The following KDSR variants were observed in gnomAD, a reference collection of about 807,000 sequenced individuals.
KDSR encodes the protein 3-dehydrosphinganine reductase.
KDSR carries 23 observed loss-of-function variants against 41.3 expected under a neutral mutation model. The ratio of observed to expected loss-of-function variants is 0.56; its 90% CI spans 0.40 to 0.79. KDSR has a LOEUF of 0.79. Ranked by LOEUF, KDSR falls within the 30% of genes least tolerant of loss-of-function variation. The pLI is 0.00. For missense variants in KDSR, 351 were observed against 416.8 expected, an observed-to-expected ratio of 0.84 and a Z score of 1.37; for synonymous variants, 138 against 151.7, an observed-to-expected ratio of 0.91 and a Z score of 0.66.
intron 5 of KDSR, among the ~76,000 whole-genome samples, chr18:63,353,549 G>A (rs1914716698): frequency 6.6e-6 from 1 of 152,120 alleles, no homozygotes; most frequent in Non-Finnish European, 1.5e-5. Flanking sequence ...GGGACTAAGA[G>A]TCTATTTAAT....
chr18:63,355,284 C>T lies in KDSR; in HGVS notation c.337G>A (p.Gly113Ser). 6.2e-7 allele frequency: 1 copy of T among 1,614,054 alleles called. No homozygotes were observed. Among genetic ancestry groups the T allele is most frequent in the Non-Finnish European group, 8.5e-7 (1 of 1,179,952 alleles). ...NVIKQAQEKLGPVDMLVNCAG... is the reference protein window; with the variant it reads ...NVIKQAQEKLSPVDMLVNCAG... ...CAATTTACCAGCATGTCCACTGGACCCAGTTTCTCCTGTGCCTAGAAAAAT... is the reference window on the plus strand; with the variant it reads ...CAATTTACCAGCATGTCCACTGGACTCAGTTTCTCCTGTGCCTAGAAAAAT... Residue 113 changes from glycine (G) to serine (S), a missense_variant, in exon 5 of 10, where the codon GGT (glycine) becomes AGT (serine). Coordinates refer to ENST00000645214, the MANE Select transcript of KDSR (RefSeq NM_002035.4).
chr18:63,363,219 C>CTTT (rs1185123481), intron 1 of KDSR, among the ~76,000 whole-genome samples: 1 of 111,456 alleles, frequency 9.0e-6, no homozygotes, highest in Non-Finnish European at 1.9e-5. Context: ...TTTTTTTTTT[C>CTTT]TTTTTTTTTT....
At chr18:63,343,533 C>A (rs1914408110) in intron 7 of KDSR, among the ~76,000 whole-genome samples, 1 of 150,998 alleles carries the variant, frequency 6.6e-6, no homozygotes, top group Non-Finnish European at 1.5e-5. Flanking sequence ...GAACTACAAG[C>A]ATGTGCCACC....
chr18:63,365,049 T>C (rs2144385769), intron 1 of KDSR, among the ~76,000 whole-genome samples: 1 of 152,356 alleles, frequency 6.6e-6, no homozygotes, highest in South Asian at 2.1e-4. Context: ...CTCATAGGCA[T>C]CCCTTACTTC....
chr18:63,336,188 C>T (rs938344158), intron 8 of KDSR, among the ~76,000 whole-genome samples: 10 of 152,184 alleles, frequency 6.6e-5, no homozygotes, highest in African/African-American at 2.4e-4. Flanking sequence ...CACCACCACA[C>T]CCGGGTAATT....
At position 63,331,777 on chromosome 18, in the gene KDSR, G is replaced by A; in HGVS notation, c.*5C>T. 6.2e-7 allele frequency: 1 copy of A among 1,612,842 alleles called. No individual in the cohort carries two copies. The highest frequency in any genetic ancestry group is 8.5e-7 in the Non-Finnish European group (1 of 1,179,554). The stretch of plus-strand genomic sequence containing the variant: ...GAAACAGTCTTCTTCCAAGGGGTAA[G>A]AAGATTAGGCAGTTTTGTCTGCATT... On this transcript the variant is annotated 3_prime_UTR_variant, in exon 10 of 10. Transcript: ENST00000645214.
intron 3 of KDSR, among the ~76,000 whole-genome samples, chr18:63,358,151 C>G (rs1046840471): frequency 6.6e-6 from 1 of 151,652 alleles, no homozygotes; most frequent in East Asian, 1.9e-4. Flanking sequence ...GGCAACAGAG[C>G]GAGACTCCAT....
intron 7 of KDSR, among the ~76,000 whole-genome samples, chr18:63,341,175 A>G (rs1914330623): frequency 6.6e-6 from 1 of 151,636 alleles, no homozygotes; most frequent in South Asian, 2.1e-4. Flanking sequence ...AAACAACAAC[A>G]GAGAAAAAGA....
At chr18:63,364,905 A>G (rs925027289) in intron 1 of KDSR, among the ~76,000 whole-genome samples, 1 of 152,222 alleles carries the variant, frequency 6.6e-6, no homozygotes, top group Admixed American at 6.5e-5. Context: ...TTTCCCTATA[A>G]CCAGACATTT....
intron 9 of KDSR, among the ~76,000 whole-genome samples, chr18:63,332,338 T>C (rs1438550765): frequency 6.6e-6 from 1 of 152,146 alleles, no homozygotes; most frequent in Non-Finnish European, 1.5e-5. Context: ...GAGCTTATTC[T>C]CAGGCTGGAA....
chr18:63,346,408 GTC>G (rs1914503195), intron 6 of KDSR: 2 of 152,314 alleles, frequency 1.3e-5, no homozygotes, highest in Non-Finnish European at 2.9e-5. Context: ...CCAACGAGTG[GTC>G]ATTAGGCAGC....
intron 7 of KDSR, among the ~76,000 whole-genome samples, chr18:63,343,715 G>A (rs1366572294): frequency 6.7e-6 from 1 of 150,222 alleles, no homozygotes; most frequent in Non-Finnish European, 1.5e-5. Flanking sequence ...ATCTTCCACG[G>A]TAGAAAGTCA....
At chr18:63,363,221 T>C (rs1378909382) in intron 1 of KDSR, among the ~76,000 whole-genome samples, 4 of 129,946 alleles carry the variant, frequency 3.1e-5, no homozygotes, top group African/African-American at 9.1e-5. Context: ...TTTTTTTTCT[T>C]TTTTTTTTTT....
At position 63,330,490 on chromosome 18, in the gene KDSR, AG is replaced by A. The variant is rs1568273196; in HGVS notation, c.*1291del. 1 of 231,090 alleles carries A rather than the reference AG, an allele frequency of 4.3e-6. No individual in the cohort carries two copies. The highest frequency in any genetic ancestry group is 8.6e-6 in the Non-Finnish European group (1 of 116,712). The allele number at this position is 231,090 out of a possible 1,614,324, so 14.3% of individuals were successfully genotyped here. A position where few individuals can be genotyped will look rare whatever the true frequency, so the allele number is the denominator to read the frequency against. On this transcript the variant is annotated 3_prime_UTR_variant, in exon 10 of 10. Transcript: ENST00000645214. ...ATCCTATAACCTGGAAACAACATTC[AG>A]GGGCCAAGAGGGTTTCCAGGGCTAC...
Position 63,361,071 on chromosome 18 carries a change from TACAC to T in KDSR, c.199-1283_199-1280del, listed in dbSNP as rs552737796. Among the ~76,000 whole-genome samples the T allele has an allele frequency of 3.7e-4, 39 of 105,036 alleles. 1 individual carries two copies. Among genetic ancestry groups the T allele is most frequent in the African/African-American group, 1.3e-3 (37 of 28,344 alleles). 68.9% of individuals were successfully genotyped at this position (105,036 alleles called of 152,430 possible). Reference sequence around the variant, plus strand: ...TATTTTATATATATGTAAATATATATACACACACACACACACACAAATCAGCCAG... The same window carrying T: ...TATTTTATATATATGTAAATATATATACACACACACACACAAATCAGCCAG... On this transcript the variant is annotated intron_variant, in intron 2 of 9. Coordinates refer to ENST00000645214, the MANE Select transcript of KDSR (RefSeq NM_002035.4).
chr18:63,366,911 G>A, intron 1 of KDSR, 100 bp downstream of exon 1: 1 of 560,672 alleles, frequency 1.8e-6, no homozygotes, highest in Non-Finnish European at 2.8e-6. Flanking sequence ...GCCTTCCTGG[G>A]GACCGCGGCC....
chr18:63,329,476 A>T lies in KDSR; in HGVS notation c.*2306T>A, dbSNP rs575092075. 2.9e-5 allele frequency: 6 copies of T among 205,472 alleles called. No homozygotes were observed. Among genetic ancestry groups the T allele is most frequent in the African/African-American group, 1.4e-4 (6 of 43,984 alleles). The allele number at this position is 205,472 out of a possible 1,614,324, so 12.7% of individuals were successfully genotyped here. A position where few individuals can be genotyped will look rare whatever the true frequency, so the allele number is the denominator to read the frequency against. On this transcript the variant is annotated 3_prime_UTR_variant, in exon 10 of 10. Transcript: ENST00000645214. ...AATTTAGAAAAACACAAACCAACTTAGATTTCGAAGTTTCTTTGCTAAGGG... is the reference window on the plus strand; with the variant it reads ...AATTTAGAAAAACACAAACCAACTTTGATTTCGAAGTTTCTTTGCTAAGGG...
chr18:63,344,113 G>A (rs1914428355), intron 7 of KDSR, among the ~76,000 whole-genome samples: 1 of 152,172 alleles, frequency 6.6e-6, no homozygotes, highest in Admixed American at 6.5e-5. Flanking sequence ...AGAGTTTGAG[G>A]ATGCAGTTAG....
chr18:63,354,400 GCT>G (rs978326460), intron 5 of KDSR, among the ~76,000 whole-genome samples: 6 of 152,350 alleles, frequency 3.9e-5, no homozygotes, highest in Admixed American at 3.3e-4. Context: ...GGGCCTGGTG[GCT>G]CATGCCTGTA....
Sources: allele counts gnomAD v4.1 joint callset (sites outside exome capture counted in the v4.1 genomes callset), GRCh38; gene constraint gnomAD v4.1.1; transcripts MANE v1.5; gene names NCBI Gene and HGNC (gene_info 2026-07-23, HGNC 2026-07-21).